The following RAD51C variants were observed in gnomAD, a reference collection of about 807,000 sequenced individuals.
The protein encoded by RAD51C is RAD51 paralog C, also known as DNA repair protein RAD51 homolog 3.
RAD51C carries 42 observed loss-of-function variants against 45.0 expected under a neutral mutation model. The ratio of observed to expected loss-of-function variants is 0.93; its 90% CI spans 0.73 to 1.21. The LOEUF (loss-of-function observed/expected upper bound fraction) is 1.21, where lower values mean the gene tolerates loss of function less well. Among genes scored for constraint, RAD51C ranks in the 50% most tolerant of loss-of-function variants. RAD51C has a pLI of 0.00. For missense variants in RAD51C, 474 were observed against 452.2 expected, an observed-to-expected ratio of 1.05 and a Z score of -0.44; for synonymous variants, 172 against 159.8, an observed-to-expected ratio of 1.08 and a Z score of -0.58.
chr17:58,732,914 G>A, intron 8 of RAD51C: 1 of 211,358 alleles, frequency 4.7e-6, no homozygotes, highest in Non-Finnish European at 9.6e-6. Flanking sequence ...ACCAAATATA[G>A]CCCACTTTAA....
chr17:58,713,127 A>C (rs1197597473), intron 5 of RAD51C, among the ~76,000 whole-genome samples: 1 of 152,142 alleles, frequency 6.6e-6, no homozygotes, highest in African/African-American at 2.4e-5. Context: ...CCCTGTCTTC[A>C]AAAACACAAA....
intron 8 of RAD51C, 124 bp from the exon 9 acceptor site, chr17:58,733,994 G>A: frequency 7.0e-7 from 1 of 1,432,422 alleles, no homozygotes; most frequent in Admixed American, 2.1e-5. Context: ...GGGATTACAG[G>A]TGTGAGCCAC....
intron 8 of RAD51C, among the ~76,000 whole-genome samples, chr17:58,733,282 C>T (rs1490380353): frequency 6.6e-6 from 1 of 152,106 alleles, no homozygotes; most frequent in African/African-American, 2.4e-5. Flanking sequence ...TTCCAAAATT[C>T]TGGGATTACA....
intron 7 of RAD51C, among the ~76,000 whole-genome samples, chr17:58,727,964 C>T (rs929774907): frequency 4.6e-5 from 7 of 151,582 alleles, no homozygotes; most frequent in African/African-American, 7.3e-5. Flanking sequence ...TACATGAGGC[C>T]GGGCGCAGTG....
intron 4 of RAD51C, among the ~76,000 whole-genome samples, chr17:58,707,917 C>T (rs1004125560): frequency 2.0e-5 from 3 of 152,238 alleles, no homozygotes; most frequent in East Asian, 3.9e-4. Context: ...AGAGTGAGCT[C>T]TTTGGTGTCT....
chr17:58,731,848 A>G (rs547406451), intron 7 of RAD51C, among the ~76,000 whole-genome samples: 1 of 152,172 alleles, frequency 6.6e-6, no homozygotes, highest in South Asian at 2.1e-4. Context: ...GCCCTCCTAA[A>G]GAGCTGGGAT....
At chr17:58,709,770 G>A (rs1231525458) in intron 4 of RAD51C, 89 bp from the exon 5 acceptor site, 1 of 1,264,148 alleles carries the variant, frequency 7.9e-7, no homozygotes, top group South Asian at 1.3e-5. Flanking sequence ...TAAGAGAGAA[G>A]GTCCCTGCTC....
At chr17:58,693,844 A>G (rs559038754) in intron 1 of RAD51C, 17 of 152,318 alleles carry the variant, frequency 1.1e-4, no homozygotes, top group African/African-American at 3.1e-4. Flanking sequence ...AACCCAGGCA[A>G]TCTAATTCCA....
At chr17:58,707,380 G>T (rs1454521128) in intron 4 of RAD51C, among the ~76,000 whole-genome samples, 3 of 152,144 alleles carry the variant, frequency 2.0e-5, no homozygotes, top group African/African-American at 7.2e-5. Flanking sequence ...AATTAGCTGG[G>T]TGTGGTGGCG....
intron 1 of RAD51C, chr17:58,693,074 A>G (rs1288302476): frequency 2.3e-6 from 1 of 432,530 alleles, no homozygotes; most frequent in Non-Finnish European, 4.3e-6. Context: ...GTAGATTATT[A>G]TATTCAGTAT....
chr17:58,724,024 T>C lies in RAD51C; in HGVS notation c.905-16T>C, dbSNP rs2049019225. The stretch of plus-strand genomic sequence containing the variant: ...TCAGTAAGGCCATATACAGTTATTA[T>C]GTTTTTTACTCTCAGGGGAAAGTTG... On this transcript the variant is annotated splice_polypyrimidine_tract_variant and intron_variant, in intron 6 of 8. Coordinates refer to ENST00000337432, the MANE Select transcript of RAD51C (RefSeq NM_058216.3). The C allele has an allele frequency of 6.2e-7, 1 of 1,603,066 alleles. No individual in the cohort carries two copies. The highest frequency in any genetic ancestry group is 1.1e-5 in the South Asian group (1 of 90,846).
intron 3 of RAD51C, 103 bp from the exon 4 acceptor site, chr17:58,703,093 G>A (rs1200299546): frequency 7.8e-7 from 1 of 1,287,092 alleles, no homozygotes; most frequent in Non-Finnish European, 1.1e-6. Context: ...AAAGAATTTT[G>A]TTATCCAAAG....
intron 8 of RAD51C, chr17:58,732,809 A>T (rs938671095): frequency 1.3e-5 from 5 of 388,230 alleles, no homozygotes; most frequent in African/African-American, 1.0e-4. Flanking sequence ...AGGATATTAA[A>T]AATCTTTAAA....
At chr17:58,730,000 A>G (rs1013159572) in intron 7 of RAD51C, among the ~76,000 whole-genome samples, 19 of 152,148 alleles carry the variant, frequency 1.2e-4, no homozygotes, top group East Asian at 5.8e-4. Flanking sequence ...TTAGATACCA[A>G]TTTTTCAGAA....
Position 58,734,223 on chromosome 17 carries a change from C to A in RAD51C, c.*1C>A, listed in dbSNP as rs1182383626. 1 of 1,609,864 alleles carries A rather than the reference C, an allele frequency of 6.2e-7. No individual in the cohort carries two copies. The highest frequency in any genetic ancestry group is 8.5e-7 in the Non-Finnish European group (1 of 1,177,488). On this transcript the variant is annotated 3_prime_UTR_variant, in exon 9 of 9. Transcript: ENST00000337432. ...ACGAGACCCAGAGGAAGAATTATAA[C>A]CCAGAAACAAATCTCAAAGTGTACA... is the stretch of plus-strand genomic sequence containing the variant.
At chr17:58,715,471 A>C (rs1398743312) in intron 5 of RAD51C, among the ~76,000 whole-genome samples, 3 of 151,722 alleles carry the variant, frequency 2.0e-5, no homozygotes, top group East Asian at 1.9e-4. Flanking sequence ...AAAAAAAAAA[A>C]AAAACCCTTT....
chr17:58,716,563 C>T (rs759793749), intron 5 of RAD51C, among the ~76,000 whole-genome samples: 7 of 143,144 alleles, frequency 4.9e-5, no homozygotes, highest in East Asian at 4.3e-4. Flanking sequence ...CCCGGGTTCA[C>T]GCCATTCTCC....
chr17:58,712,759 G>A (rs1356537181), intron 5 of RAD51C, among the ~76,000 whole-genome samples: 1 of 151,866 alleles, frequency 6.6e-6, no homozygotes, highest in Non-Finnish European at 1.5e-5. Flanking sequence ...GGCGGAGCTT[G>A]CAGTGAGCTG....
At position 58,692,682 on chromosome 17, in the gene RAD51C, T is replaced by C. The variant is rs2143674219; in HGVS notation, c.39T>C (p.Asp13=). The change falls in exon 1 of 9, where the codon GAT becomes GAC. Residue 13 remains aspartate, a synonymous_variant. Transcript: ENST00000337432. ...GKTFRFEMQR[D]LVSFPLSPAV... ...CGTTCCGCTTTGAAATGCAGCGGGA[T>C]TTGGTGAGTTTCCCGCTGTCTCCAG... 6.2e-7 allele frequency: 1 copy of C among 1,614,176 alleles called. No homozygotes were observed. Among genetic ancestry groups the C allele is most frequent in the East Asian group, 2.2e-5 (1 of 44,874 alleles).
Sources: gnomAD v4.1 joint callset for allele counts (sites outside exome capture counted in the v4.1 genomes callset) on GRCh38, gnomAD v4.1.1 for gene constraint, MANE v1.5 for transcripts, NCBI Gene and HGNC (gene_info 2026-07-23, HGNC 2026-07-21) for gene names.